The following TEAD1 variants were observed in gnomAD, a reference collection of about 807,000 sequenced individuals.
The protein encoded by TEAD1 is TEA domain transcription factor 1, also known as transcriptional enhancer factor TEF-1.
In TEAD1, 9 loss-of-function variants were observed where a neutral mutation model predicts 54.9. That is an observed-to-expected ratio of 0.16 (90% confidence interval 0.10 to 0.29). The LOEUF (loss-of-function observed/expected upper bound fraction) is 0.29, where lower values mean the gene tolerates loss of function less well. Among genes scored for constraint, TEAD1 ranks in the 10% least tolerant of loss-of-function variants. TEAD1 has a pLI of 1.00. For synonymous variants in TEAD1, 200 were observed against 187.8 expected (o/e 1.07, Z -0.53); for missense variants, 387 against 535.9 (o/e 0.72, Z 2.74).
intron 2 of TEAD1, among the ~76,000 whole-genome samples, chr11:12,743,144 A>T (rs1944679285): frequency 6.6e-6 from 1 of 152,264 alleles, no homozygotes; most frequent in South Asian, 2.1e-4. Flanking sequence ...TTTAGAAGAA[A>T]TGAAACTCTG....
intron 9 of TEAD1, among the ~76,000 whole-genome samples, chr11:12,895,134 A>T (rs1423534210): frequency 6.6e-6 from 1 of 152,170 alleles, no homozygotes; most frequent in Admixed American, 6.5e-5. Flanking sequence ...AGCAAAGAAC[A>T]GCAGGGACCA....
intron 10 of TEAD1, among the ~76,000 whole-genome samples, chr11:12,915,045 C>T (rs1461772489): frequency 6.6e-6 from 1 of 152,218 alleles, no homozygotes; most frequent in Non-Finnish European, 1.5e-5. Flanking sequence ...ATTAGACTGT[C>T]TCTGGTTGGG....
intron 3 of TEAD1, among the ~76,000 whole-genome samples, chr11:12,765,468 A>G (rs1258178346): frequency 6.6e-5 from 10 of 152,128 alleles, no homozygotes; most frequent in East Asian, 1.9e-4. Context: ...TTCTCATGGG[A>G]GTGATTATTT....
chr11:12,841,437 A>AT (rs1947038800), intron 3 of TEAD1, among the ~76,000 whole-genome samples: 1 of 152,228 alleles, frequency 6.6e-6, no homozygotes, highest in African/African-American at 2.4e-5. Context: ...AGCATAAAGA[A>AT]TAAGTACAGT....
chr11:12,852,233 G>T (rs1401748950), intron 3 of TEAD1, among the ~76,000 whole-genome samples: 1 of 82,036 alleles, frequency 1.2e-5, no homozygotes, highest in Non-Finnish European at 3.1e-5. Context: ...TTAGCTTTAG[G>T]TACCAGACTA....
chr11:12,861,680 G>C (rs543830909), intron 3 of TEAD1, among the ~76,000 whole-genome samples: 49 of 152,308 alleles, frequency 3.2e-4, no homozygotes, highest in South Asian at 2.1e-3. Flanking sequence ...CAGACAAAAA[G>C]GCACATCTTA....
At chr11:12,869,074 TG>T (rs889481722) in intron 5 of TEAD1, among the ~76,000 whole-genome samples, 46 of 152,246 alleles carry the variant, frequency 3.0e-4, no homozygotes, top group African/African-American at 1.1e-3. Context: ...ATTGGGGACA[TG>T]CGGTGGGAGG....
intron 2 of TEAD1, among the ~76,000 whole-genome samples, chr11:12,719,663 G>A (rs1250605635): frequency 6.6e-6 from 1 of 152,048 alleles, no homozygotes; most frequent in African/African-American, 2.4e-5. Context: ...CAAGGCTGAG[G>A]TAAATCTTGG....
chr11:12,924,900 C>T lies in TEAD1; in HGVS notation c.874-12C>T, dbSNP rs538490434. On this transcript the variant is annotated splice_polypyrimidine_tract_variant and intron_variant, in intron 10 of 12. Transcript: ENST00000527636. ...GAGAGAATAACCCACACCTCCATTTCCTTTCCAACAGGCTGATTTAAACTG... is the reference window on the plus strand; with the variant it reads ...GAGAGAATAACCCACACCTCCATTTTCTTTCCAACAGGCTGATTTAAACTG... 6.2e-7 allele frequency: 1 copy of T among 1,614,146 alleles called. No individual in the cohort carries two copies. Among genetic ancestry groups the T allele is most frequent in the Non-Finnish European group, 8.5e-7 (1 of 1,180,024 alleles).
At chr11:12,865,073 T>G (rs919001347) in intron 5 of TEAD1, 173 bp downstream of exon 5, 1 of 758,374 alleles carries the variant, frequency 1.3e-6, no homozygotes, top group Non-Finnish European at 2.3e-6. Context: ...AGCCTCACAT[T>G]AAACTCAATG....
chr11:12,729,527 T>C (rs1944378606), intron 2 of TEAD1, among the ~76,000 whole-genome samples: 1 of 152,194 alleles, frequency 6.6e-6, no homozygotes, highest in Non-Finnish European at 1.5e-5. Flanking sequence ...TGGAGAAAGA[T>C]GGAAACCTAG....
chr11:12,770,537 G>A (rs561839949), intron 3 of TEAD1, among the ~76,000 whole-genome samples: 6 of 152,256 alleles, frequency 3.9e-5, no homozygotes, highest in African/African-American at 1.4e-4. Flanking sequence ...AACATACCAG[G>A]CACTTTCCCA....
intron 12 of TEAD1, among the ~76,000 whole-genome samples, chr11:12,932,825 A>G (rs1255086466): frequency 6.6e-6 from 1 of 152,180 alleles, no homozygotes; most frequent in Non-Finnish European, 1.5e-5. Context: ...ACCTAGAGCA[A>G]ATTTCAGGCC....
At chr11:12,727,131 T>G (rs1944328911) in intron 2 of TEAD1, among the ~76,000 whole-genome samples, 2 of 152,116 alleles carry the variant, frequency 1.3e-5, no homozygotes, top group African/African-American at 2.4e-5. Context: ...TCCCAGCTAC[T>G]TGGGAAGCTG....
intron 4 of TEAD1, 186 bp from the exon 5 acceptor site, chr11:12,864,652 G>GTTTTGTTTTGTTTTT: frequency 2.2e-6 from 3 of 1,385,902 alleles, no homozygotes; most frequent in South Asian, 1.5e-5. Flanking sequence ...GTTTTGTTTT[G>GTTTTGTTTTGTTTTT]TTTTGTTTCC....
In TEAD1 at chr11:12,939,215, C is replaced by G. The variant is rs1432635085; in HGVS notation, c.*1993C>G. ...TCATAAACAGACTACTGTTGGGTCC[C>G]TGATTCCAGGCTGGCCTGTGAAGGA... On this transcript the variant is annotated 3_prime_UTR_variant, in exon 13 of 13. Coordinates refer to ENST00000527636, the MANE Select transcript of TEAD1 (RefSeq NM_021961.6). 6.6e-6 allele frequency: 1 copy of G among 152,332 alleles called. No individual in the cohort carries two copies. Among genetic ancestry groups the G allele is most frequent in the East Asian group, 1.9e-4 (1 of 5,194 alleles). The allele number at this position is 152,332 out of a possible 1,614,324, so 9.4% of individuals were successfully genotyped here.
chr11:12,697,403 G>A (rs1943608626), intron 2 of TEAD1, among the ~76,000 whole-genome samples: 1 of 152,202 alleles, frequency 6.6e-6, no homozygotes, highest in Non-Finnish European at 1.5e-5. Flanking sequence ...TGCCCAGAAG[G>A]GGGTGCGGTG....
At chr11:12,751,747 G>A (rs1013296089) in intron 2 of TEAD1, among the ~76,000 whole-genome samples, 18 of 152,146 alleles carry the variant, frequency 1.2e-4, no homozygotes, top group African/African-American at 4.3e-4. Context: ...ATGCAAGACT[G>A]TAAAATAGCA....
At chr11:12,819,662 AG>A (rs1474707573) in intron 3 of TEAD1, among the ~76,000 whole-genome samples, 2 of 151,834 alleles carry the variant, frequency 1.3e-5, no homozygotes, top group African/African-American at 4.8e-5. Flanking sequence ...CATGTTAGCC[AG>A]GATGGTCTTG....
Sources: allele counts gnomAD v4.1 joint callset (sites outside exome capture counted in the v4.1 genomes callset), GRCh38; gene constraint gnomAD v4.1.1; transcripts MANE v1.5; gene names NCBI Gene and HGNC (gene_info 2026-07-23, HGNC 2026-07-21).